Variants in OSBPL8 observed in about 807,000 individuals in gnomAD.
OSBPL8 encodes oxysterol binding protein like 8.
A neutral mutation model predicts 125.5 loss-of-function variants in OSBPL8; 59 were observed. The ratio of observed to expected loss-of-function variants is 0.47; its 90% CI spans 0.38 to 0.58. The LOEUF is 0.58. Among genes scored for constraint, OSBPL8 ranks in the 20% least tolerant of loss-of-function variants. The pLI is 0.00. For missense variants in OSBPL8, 758 were observed against 1,047.8 expected (o/e 0.72, Z 3.82); for synonymous variants, 330 against 338.9 (o/e 0.97, Z 0.29).
At chr12:76,544,775 G>A (rs1950739131) in intron 1 of OSBPL8, among the ~76,000 whole-genome samples, 1 of 151,830 alleles carries the variant, frequency 6.6e-6, no homozygotes, top group Non-Finnish European at 1.5e-5. Flanking sequence ...AATAGGCGAA[G>A]GTTCAACTTC....
chr12:76,512,222 G>A (rs1881072717), intron 1 of OSBPL8, among the ~76,000 whole-genome samples: 1 of 152,148 alleles, frequency 6.6e-6, no homozygotes, highest in Non-Finnish European at 1.5e-5. Context: ...AGAACATGCA[G>A]TATCTGTTTT....
At chr12:76,365,553 A>G (rs1021517747) in intron 21 of OSBPL8, among the ~76,000 whole-genome samples, 11 of 152,150 alleles carry the variant, frequency 7.2e-5, no homozygotes, top group Non-Finnish European at 1.6e-4. Flanking sequence ...TCACCTGTTA[A>G]TTAGAGATAG....
At chr12:76,484,236 T>C (rs1420808342) in intron 2 of OSBPL8, among the ~76,000 whole-genome samples, 1 of 152,168 alleles carries the variant, frequency 6.6e-6, no homozygotes, top group African/African-American at 2.4e-5. Flanking sequence ...ATTAATTCCA[T>C]ATTTAGCCTT....
At position 76,353,737 on chromosome 12, in the gene OSBPL8, T is replaced by C. The variant is rs749169833; in HGVS notation, c.*2152A>G. ...AACTAAAAGCATAATAAGAGGACTA[T>C]TAGATTAGATGCATGCTTTTAGTGT... is the stretch of plus-strand genomic sequence containing the variant. On this transcript the variant is annotated 3_prime_UTR_variant, in exon 24 of 24. Coordinates refer to ENST00000261183, the MANE Select transcript of OSBPL8 (RefSeq NM_020841.5). 5.2e-5 allele frequency: 8 copies of C among 152,424 alleles called. No homozygotes were observed. Among genetic ancestry groups the C allele is most frequent in the Non-Finnish European group, 7.4e-5 (5 of 67,854 alleles). 9.4% of individuals were successfully genotyped at this position (152,424 alleles called of 1,614,324 possible).
chr12:76,553,174 T>G (rs1162075270), intron 1 of OSBPL8, among the ~76,000 whole-genome samples: 2 of 110,094 alleles, frequency 1.8e-5, no homozygotes, highest in African/African-American at 3.7e-5. Flanking sequence ...CTACCATACT[T>G]CCATCCCATC....
intron 5 of OSBPL8, among the ~76,000 whole-genome samples, chr12:76,403,288 TCCTA>T (rs1954126068): frequency 6.6e-6 from 1 of 152,226 alleles, no homozygotes; most frequent in Admixed American, 6.5e-5. Flanking sequence ...ATCTACTACT[TCCTA>T]CCTATCGAGT....
At chr12:76,548,784 G>C (rs534833947) in intron 1 of OSBPL8, among the ~76,000 whole-genome samples, 26 of 152,134 alleles carry the variant, frequency 1.7e-4, no homozygotes, top group Non-Finnish European at 2.6e-4. Context: ...AACAGTCCAA[G>C]GAACAGGGGA....
rs557555315 is a variant in OSBPL8 at position 76,386,242 on chromosome 12, T to C, written c.1459A>G (p.Ile487Val). ...PKGLKKPYNP[I>V]LGETFRCLWI... Reference sequence around the variant, plus strand: ...AAACAACGGAAAGTCTCGCCAAGTATAGGATTATAAGGTTTCTTCAGTCCC... The same window carrying C: ...AAACAACGGAAAGTCTCGCCAAGTACAGGATTATAAGGTTTCTTCAGTCCC... The change falls in exon 14 of 24, where the codon ATA becomes GTA. Residue 487 changes from isoleucine (I) to valine (V), a missense_variant. Ile to Val is a conservative substitution (Grantham distance 29). Around this residue, in one of 3 missense-constraint regions of OSBPL8, gnomAD observed 572 missense variants for 762.0 expected, o/e 0.75. Transcript: ENST00000261183. 5 of 1,605,528 alleles carry C rather than the reference T, an allele frequency of 3.1e-6. No homozygotes were observed. In the African/African-American group the frequency reaches 4.1e-5, roughly 13 times the overall value.
At chr12:76,435,123 T>C (rs1279901380) in intron 4 of OSBPL8, among the ~76,000 whole-genome samples, 1 of 151,576 alleles carries the variant, frequency 6.6e-6, no homozygotes, top group Non-Finnish European at 1.5e-5. Flanking sequence ...CTGCAGAGAA[T>C]GGATAAACTG....
chr12:76,558,957 C>A (rs1460385220), intron 1 of OSBPL8, among the ~76,000 whole-genome samples: 2 of 152,340 alleles, frequency 1.3e-5, no homozygotes, highest in Admixed American at 6.5e-5. Flanking sequence ...AAGGCGGGTG[C>A]GGTCTGCGGT....
intron 8 of OSBPL8, among the ~76,000 whole-genome samples, chr12:76,396,063 A>G (rs1953785189): frequency 6.6e-6 from 1 of 150,870 alleles, no homozygotes; most frequent in Non-Finnish European, 1.5e-5. Flanking sequence ...TGGTATTTAT[A>G]TGTATGTTTA....
chr12:76,506,135 A>T (rs980480665), intron 1 of OSBPL8, among the ~76,000 whole-genome samples: 1 of 152,354 alleles, frequency 6.6e-6, no homozygotes, highest in Middle Eastern at 3.4e-3. Context: ...AAATTTTTTA[A>T]AAAAGAGAGG....
chr12:76,535,835 G>C (rs1034218227), intron 1 of OSBPL8, among the ~76,000 whole-genome samples: 9 of 152,226 alleles, frequency 5.9e-5, no homozygotes, highest in African/African-American at 1.9e-4. Flanking sequence ...GCAATCCACA[G>C]TAACAGAACC....
chr12:76,422,627 C>G (rs770396095), intron 4 of OSBPL8: 100 of 456,416 alleles, frequency 2.2e-4, no homozygotes, highest in Non-Finnish European at 5.3e-5. Flanking sequence ...GGAAGAAAAT[C>G]TACGTTGTGA....
intron 7 of OSBPL8, among the ~76,000 whole-genome samples, chr12:76,399,521 C>G (rs368668455): frequency 5.9e-5 from 9 of 152,094 alleles, no homozygotes; most frequent in African/African-American, 1.9e-4. Context: ...TTGTCTCATC[C>G]TTTCAATAAT....
intron 2 of OSBPL8, among the ~76,000 whole-genome samples, chr12:76,462,879 G>C (rs2136847601): frequency 6.6e-6 from 1 of 152,294 alleles, no homozygotes; most frequent in Admixed American, 6.5e-5. Context: ...GTTTATGGAA[G>C]AGCACGAAGG....
intron 3 of OSBPL8, among the ~76,000 whole-genome samples, chr12:76,458,521 C>G (rs1874333137): frequency 6.6e-6 from 1 of 151,914 alleles, no homozygotes; most frequent in South Asian, 2.1e-4. Flanking sequence ...GAGACCACAT[C>G]TTTACAAAAA....
intron 2 of OSBPL8, among the ~76,000 whole-genome samples, chr12:76,464,989 A>G (rs1875228089): frequency 6.6e-6 from 1 of 152,186 alleles, no homozygotes; most frequent in African/African-American, 2.4e-5. Flanking sequence ...TGCAGCTGAG[A>G]ACTGTCTGTT....
intron 2 of OSBPL8, among the ~76,000 whole-genome samples, chr12:76,474,887 T>G (rs1490303218): frequency 6.6e-6 from 1 of 152,174 alleles, no homozygotes; most frequent in Non-Finnish European, 1.5e-5. Context: ...TTGCTGCTAT[T>G]TTCACCCTAT....
Sources: gnomAD v4.1 joint callset for allele counts (sites outside exome capture counted in the v4.1 genomes callset) on GRCh38, gnomAD v4.1.1 for gene constraint, gnomAD v4.1.1 regional missense constraint, MANE v1.5 for transcripts, NCBI Gene and HGNC (gene_info 2026-07-23, HGNC 2026-07-21) for gene names.